Variants in NPNT observed in about 807,000 individuals in gnomAD.
NPNT encodes nephronectin.
In NPNT, 45 loss-of-function variants were observed where a neutral mutation model predicts 68.6. The ratio of observed to expected loss-of-function variants is 0.66; its 90% CI spans 0.52 to 0.84. The LOEUF (loss-of-function observed/expected upper bound fraction) is 0.84. Among genes scored for constraint, NPNT ranks in the 40% least tolerant of loss-of-function variants. The probability of loss-of-function intolerance (pLI) is 0.00; values close to 1 mark genes in which losing one functional copy is unlikely to be tolerated. For synonymous variants in NPNT, 233 were observed against 253.3 expected (o/e 0.92, Z 0.76); for missense variants, 672 against 714.8 (o/e 0.94, Z 0.68).
At chr4:105,910,906 C>T (rs933679973) in intron 2 of NPNT, among the ~76,000 whole-genome samples, 2 of 152,014 alleles carry the variant, frequency 1.3e-5, no homozygotes, top group African/African-American at 2.4e-5. Flanking sequence ...ATGATGTTTG[C>T]TATTCTTTAT....
intron 11 of NPNT, 128 bp downstream of exon 11, chr4:105,967,572 G>A (rs1732270678): frequency 1.2e-6 from 1 of 863,650 alleles, no homozygotes; most frequent in Non-Finnish European, 1.7e-6. Flanking sequence ...TTTTTTTCTG[G>A]GCCTGATGAC....
chr4:105,946,569 A>T (rs1185400310), intron 8 of NPNT, among the ~76,000 whole-genome samples: 1 of 152,204 alleles, frequency 6.6e-6, no homozygotes, highest in South Asian at 2.1e-4. Flanking sequence ...CGGGGATGAC[A>T]TCACATATCA....
At position 105,897,904 on chromosome 4, in the gene NPNT, G is replaced by T. The variant is rs1170484250; in HGVS notation, c.75G>T (p.Trp25Cys). Residue 25 changes from tryptophan to cysteine, a missense_variant, in exon 2 of 12, where the codon TGG becomes TGT. Physicochemically the swap from Trp to Cys is radical, Grantham distance 215 (BLOSUM62 -2). Transcript: ENST00000379987. Reference protein sequence around the residue: ...LQAAAEFDGRWPRQIVSSIGL... With the variant: ...LQAAAEFDGRCPRQIVSSIGL... ...TTTGAATCTTTTTTTTTGGTAGGTG[G>T]CCCAGGCAAATAGTGTCATCGATTG... 1 of 1,610,630 alleles carries T rather than the reference G, an allele frequency of 6.2e-7. No homozygotes were observed. The highest frequency in any genetic ancestry group is 8.5e-7 in the Non-Finnish European group (1 of 1,177,102).
In NPNT at chr4:105,942,646, T is replaced by C. The variant is rs1730077249; in HGVS notation, c.1103T>C (p.Ile368Thr). 6.8e-6 allele frequency: 11 copies of C among 1,613,840 alleles called. No individual in the cohort carries two copies. Among genetic ancestry groups the C allele is most frequent in the Non-Finnish European group, 8.5e-6 (10 of 1,179,932 alleles). The change falls in exon 8 of 12, where the codon ATT (isoleucine) becomes ACT (threonine). Residue 368 changes from isoleucine (I) to threonine (T), a missense_variant. Coordinates refer to ENST00000379987, the MANE Select transcript of NPNT (RefSeq NM_001033047.3). Reference protein sequence around the residue: ...APAASTPPGGITVDNRVQTDP... With the variant: ...APAASTPPGGTTVDNRVQTDP... ...GCTGCCAGTACACCTCCAGGAGGGA[T>C]TACAGTTGACAACAGGGTACAGACA...
At chr4:105,931,907 G>A (rs1012487022) in intron 3 of NPNT, among the ~76,000 whole-genome samples, 6 of 152,064 alleles carry the variant, frequency 3.9e-5, no homozygotes, top group Non-Finnish European at 5.9e-5. Flanking sequence ...CATTTAACTG[G>A]CTATTAATAA....
chr4:105,951,419 T>C (rs919941802), intron 8 of NPNT, among the ~76,000 whole-genome samples: 2 of 152,206 alleles, frequency 1.3e-5, no homozygotes, highest in African/African-American at 2.4e-5. Flanking sequence ...GTTTTTCCCC[T>C]CATCTCTCTT....
rs1021713570 is a variant in NPNT at position 105,970,164 on chromosome 4, T to C, written c.*1174T>C. ...GTGTCAGGATGGGATAGGAAGCAAGTCCCATGCTTAGAGGCATGGGATGTG... is the reference window on the plus strand; with the variant it reads ...GTGTCAGGATGGGATAGGAAGCAAGCCCCATGCTTAGAGGCATGGGATGTG... On this transcript the variant is annotated 3_prime_UTR_variant, in exon 12 of 12. Coordinates refer to ENST00000379987, the MANE Select transcript of NPNT (RefSeq NM_001033047.3). 1 of 502,326 alleles carries C rather than the reference T, an allele frequency of 2.0e-6. No homozygotes were observed. The highest frequency in any genetic ancestry group is 1.9e-5 in the African/African-American group (1 of 52,120). 31.1% of individuals were successfully genotyped at this position (502,326 alleles called of 1,614,324 possible).
chr4:105,917,443 T>A (rs1000808476), intron 2 of NPNT, among the ~76,000 whole-genome samples: 1 of 152,202 alleles, frequency 6.6e-6, no homozygotes, highest in Admixed American at 6.5e-5. Flanking sequence ...TGTACACCTG[T>A]CATGTCTATC....
intron 2 of NPNT, among the ~76,000 whole-genome samples, chr4:105,906,660 T>C (rs1462617134): frequency 6.6e-6 from 1 of 152,170 alleles, no homozygotes; most frequent in Non-Finnish European, 1.5e-5. Context: ...CCAGTTCATT[T>C]TGTCTTTCTT....
intron 8 of NPNT, among the ~76,000 whole-genome samples, chr4:105,947,335 G>A (rs1157196422): frequency 1.3e-5 from 2 of 152,132 alleles, no homozygotes; most frequent in Middle Eastern, 3.2e-3. Context: ...TACATCCTCA[G>A]TTTAAGAAGA....
intron 3 of NPNT, among the ~76,000 whole-genome samples, chr4:105,933,597 C>T (rs1275498714): frequency 6.6e-6 from 1 of 152,074 alleles, no homozygotes; most frequent in Non-Finnish European, 1.5e-5. Flanking sequence ...TATGACATTG[C>T]CCGATTTAAG....
chr4:105,959,225 G>A, intron 10 of NPNT, 99 bp downstream of exon 10: 1 of 716,238 alleles, frequency 1.4e-6, no homozygotes, highest in Non-Finnish European at 2.5e-6. Context: ...ACACATCTCT[G>A]TGTTTACTTG....
intron 2 of NPNT, among the ~76,000 whole-genome samples, chr4:105,920,472 A>G (rs998849043): frequency 2.0e-5 from 3 of 146,564 alleles, no homozygotes; most frequent in Admixed American, 1.4e-4. Flanking sequence ...TTAACGTTTT[A>G]TTTGGCATTA....
chr4:105,936,861 G>A, intron 3 of NPNT, 148 bp from the exon 4 acceptor site: 1 of 743,790 alleles, frequency 1.3e-6, no homozygotes, highest in Non-Finnish European at 2.1e-6. Flanking sequence ...AATATTGCAT[G>A]AACAGGATCT....
chr4:105,897,651 C>T (rs1282836792), intron 1 of NPNT, among the ~76,000 whole-genome samples: 1 of 152,176 alleles, frequency 6.6e-6, no homozygotes. Context: ...AAGAAAGCAT[C>T]TTTCCCTCCC....
chr4:105,898,362 C>CTG lies in NPNT; in HGVS notation c.172+362_172+363insGT, dbSNP rs1169936930. 2.7e-4 allele frequency among the ~76,000 whole-genome samples: 38 copies of CTG among 142,862 alleles called. No homozygotes were observed. In the East Asian group the frequency reaches 7.2e-3, roughly 27 times the overall value. The allele number at this position is 142,862 out of a possible 152,430, so 93.7% of individuals were successfully genotyped here. A position where few individuals can be genotyped will look rare whatever the true frequency, so the allele number is the denominator to read the frequency against. On this transcript the variant is annotated intron_variant, in intron 2 of 11. Coordinates refer to ENST00000379987, the MANE Select transcript of NPNT (RefSeq NM_001033047.3). ...TCTCTCTCTCTCTCTCTCTCTCTCT[C>CTG]TCTCTCTCTCTCTCTCTCGCTGACT... is the stretch of plus-strand genomic sequence containing the variant.
chr4:105,962,539 A>G (rs1345696956), intron 10 of NPNT, among the ~76,000 whole-genome samples: 1 of 152,196 alleles, frequency 6.6e-6, no homozygotes, highest in African/African-American at 2.4e-5. Flanking sequence ...ATGGCAAGAT[A>G]CTGTTAAAAG....
At chr4:105,899,614 A>G (rs1002571984) in intron 2 of NPNT, among the ~76,000 whole-genome samples, 1 of 152,242 alleles carries the variant, frequency 6.6e-6, no homozygotes, top group Non-Finnish European at 1.5e-5. Context: ...CATAGCAGTT[A>G]GGCAAACATT....
At chr4:105,935,674 GTTTA>G (rs1234122053) in intron 3 of NPNT, among the ~76,000 whole-genome samples, 2 of 152,116 alleles carry the variant, frequency 1.3e-5, no homozygotes, top group Non-Finnish European at 2.9e-5. Flanking sequence ...AAAGTATTTG[GTTTA>G]TTTATTTAAC....
Sources: allele counts gnomAD v4.1 joint callset (sites outside exome capture counted in the v4.1 genomes callset), GRCh38; gene constraint gnomAD v4.1.1; transcripts MANE v1.5; gene names NCBI Gene and HGNC (gene_info 2026-07-23, HGNC 2026-07-21).